The following AUTS2 variants were observed in gnomAD, a reference collection of about 807,000 sequenced individuals.
AUTS2 encodes activator of transcription and developmental regulator AUTS2, also known as autism susceptibility gene 2 protein.
Under a neutral mutation model 112.4 loss-of-function variants are expected in AUTS2, and 17 were observed. The ratio of observed to expected loss-of-function variants is 0.15; its 90% confidence interval spans 0.10 to 0.23. The LOEUF (loss-of-function observed/expected upper bound fraction) is 0.23. AUTS2 is among the 10% of genes least tolerant of loss of function. The pLI, the probability that AUTS2 is intolerant of heterozygous loss-of-function variation, is 1.00. For synonymous variants in AUTS2, 751 were observed against 702.7 expected (o/e 1.07, Z -1.09); for missense variants, 1,510 against 1,701.6 (o/e 0.89, Z 1.98).
chr7:69,957,047 T>TTTG (rs1350390255), intron 2 of AUTS2, among the ~76,000 whole-genome samples: 5 of 150,778 alleles, frequency 3.3e-5, no homozygotes, highest in Non-Finnish European at 7.4e-5. Flanking sequence ...CTTTTTGTTC[T>TTTG]TTCTTTTTTT....
At chr7:70,401,899 T>C (rs1794341300) in intron 4 of AUTS2, among the ~76,000 whole-genome samples, 1 of 152,230 alleles carries the variant, frequency 6.6e-6, no homozygotes, top group Non-Finnish European at 1.5e-5. Context: ...AAATTTTCTT[T>C]ACAAAATCCA....
intron 4 of AUTS2, among the ~76,000 whole-genome samples, chr7:70,216,701 C>A (rs187341162): frequency 7.2e-5 from 11 of 152,280 alleles, no homozygotes; most frequent in Admixed American, 7.2e-4. Context: ...CACTGGCTTC[C>A]GGAGTCCTCC....
chr7:69,866,355 C>T (rs1412010583), intron 1 of AUTS2, among the ~76,000 whole-genome samples: 1 of 152,136 alleles, frequency 6.6e-6, no homozygotes, highest in East Asian at 1.9e-4. Context: ...CCCTGTATGC[C>T]TTTCAAAACC....
At chr7:70,038,478 C>G (rs558257576) in intron 2 of AUTS2, among the ~76,000 whole-genome samples, 1 of 152,090 alleles carries the variant, frequency 6.6e-6, no homozygotes, top group Non-Finnish European at 1.5e-5. Flanking sequence ...TATACCCTCT[C>G]ATTAAACACT....
At chr7:70,305,863 G>T (rs1336593675) in intron 4 of AUTS2, among the ~76,000 whole-genome samples, 1 of 152,038 alleles carries the variant, frequency 6.6e-6, no homozygotes, top group East Asian at 1.9e-4. Context: ...CAGATTTGAG[G>T]ACATTTCCAA....
chr7:70,191,564 A>T (rs1809895540), intron 4 of AUTS2, among the ~76,000 whole-genome samples: 1 of 152,170 alleles, frequency 6.6e-6, no homozygotes, highest in African/African-American at 2.4e-5. Context: ...TTTCATAGTC[A>T]TGCATTGCAG....
rs981956313 is a variant in AUTS2 at position 69,801,463 on chromosome 7, C to A, written c.310-97823C>A. On this transcript the variant is annotated intron_variant, in intron 1 of 18. Transcript: ENST00000342771. ...TATGTATGTATATAAATAAGATATACCTATATATAAAATATTTATACCTAT... is the reference window on the plus strand; with the variant it reads ...TATGTATGTATATAAATAAGATATAACTATATATAAAATATTTATACCTAT... 1.1e-3 allele frequency among the ~76,000 whole-genome samples: 158 copies of A among 147,858 alleles called. 1 individual carries two copies. The highest frequency in any genetic ancestry group is 3.8e-3 in the African/African-American group (154 of 40,376).
At chr7:70,702,846 G>T (rs1298477121) in intron 6 of AUTS2, among the ~76,000 whole-genome samples, 1 of 152,202 alleles carries the variant, frequency 6.6e-6, no homozygotes, top group Non-Finnish European at 1.5e-5. Context: ...AGGCCTATTA[G>T]TGGAACACAC....
chr7:70,184,924 A>G (rs1809518739), intron 4 of AUTS2, among the ~76,000 whole-genome samples: 1 of 152,238 alleles, frequency 6.6e-6, no homozygotes, highest in African/African-American at 2.4e-5. Context: ...TACTTACAGC[A>G]TAACTATTCA....
intron 6 of AUTS2, among the ~76,000 whole-genome samples, chr7:70,731,813 C>T (rs182044239): frequency 6.6e-6 from 1 of 152,132 alleles, no homozygotes; most frequent in Admixed American, 6.5e-5. Flanking sequence ...CCGCCATCCC[C>T]CCCGCACAAA....
intron 4 of AUTS2, among the ~76,000 whole-genome samples, chr7:70,364,609 A>C (rs1250282294): frequency 6.7e-6 from 1 of 150,342 alleles, no homozygotes; most frequent in Non-Finnish European, 1.5e-5. Context: ...AAATAAATAA[A>C]TAAATAAAAA....
intron 2 of AUTS2, among the ~76,000 whole-genome samples, chr7:70,099,318 T>A (rs1277794300): frequency 1.3e-5 from 2 of 152,208 alleles, no homozygotes; most frequent in East Asian, 3.8e-4. Flanking sequence ...AAAGGCAGAT[T>A]TTCTTGCACT....
At chr7:70,166,285 T>A (rs568258200) in intron 4 of AUTS2, among the ~76,000 whole-genome samples, 66 of 152,238 alleles carry the variant, frequency 4.3e-4, no homozygotes, top group Middle Eastern at 3.4e-3. Context: ...TTGTAAAAAA[T>A]TTTTTTAAAT....
rs150622463 is a variant in AUTS2, at chr7:70,234,336, A to T, written c.660+99765A>T. 3.1e-4 allele frequency among the ~76,000 whole-genome samples: 47 copies of T among 152,304 alleles called. No individual in the cohort carries two copies. The East Asian group carries it at 5.0e-3, about 16-fold the overall frequency. ...AACTGGCGTTCATTGATTGTCATTC[A>T]CGTTTCTCTTCACTTCCTTATGAAA... On this transcript the variant is annotated intron_variant, in intron 4 of 18. Transcript: ENST00000342771.
intron 5 of AUTS2, among the ~76,000 whole-genome samples, chr7:70,617,498 C>A (rs187757587): frequency 0.01 from 1,567 of 151,874 alleles, 22 homozygotes; most frequent in African/African-American, 0.036. Flanking sequence ...CCGTTTCTAC[C>A]AAAAATACAA....
intron 4 of AUTS2, among the ~76,000 whole-genome samples, chr7:70,272,646 T>C (rs978430467): frequency 4.6e-5 from 7 of 152,198 alleles, no homozygotes; most frequent in Non-Finnish European, 8.8e-5. Context: ...ACCAGGTAAC[T>C]ATTTTGCATC....
intron 4 of AUTS2, among the ~76,000 whole-genome samples, chr7:70,288,045 T>A (rs1788544700): frequency 6.6e-6 from 1 of 152,084 alleles, no homozygotes; most frequent in South Asian, 2.1e-4. Context: ...TCTAAAGATA[T>A]GAGGCATGGG....
chr7:70,541,146 C>G (rs1440447271), intron 5 of AUTS2, among the ~76,000 whole-genome samples: 1 of 152,176 alleles, frequency 6.6e-6, no homozygotes, highest in Non-Finnish European at 1.5e-5. Context: ...CTTTCCTTCT[C>G]TAGGCCTGCT....
chr7:70,490,717 G>A (rs1310922305), intron 5 of AUTS2, among the ~76,000 whole-genome samples: 6 of 152,098 alleles, frequency 3.9e-5, no homozygotes, highest in Non-Finnish European at 8.8e-5. Flanking sequence ...ATAGATCTGG[G>A]TCCACAGCCC....
Sources: gnomAD v4.1 joint callset for allele counts (sites outside exome capture counted in the v4.1 genomes callset) on GRCh38, gnomAD v4.1.1 for gene constraint, MANE v1.5 for transcripts, NCBI Gene and HGNC (gene_info 2026-07-23, HGNC 2026-07-21) for gene names.